DNAH9: variants seen among roughly 807,000 people sequenced by gnomAD.
DNAH9 encodes the protein DNAH9 variant protein.
DNAH9 carries 345 observed loss-of-function variants against 471.6 expected under a neutral mutation model. The ratio of observed to expected loss-of-function variants is 0.73; its 90% CI spans 0.67 to 0.80. The LOEUF (loss-of-function observed/expected upper bound fraction) is 0.80, where lower values mean the gene tolerates loss of function less well. DNAH9 is among the 30% of genes least tolerant of loss of function. The pLI is 0.00. For missense variants in DNAH9, 5,407 were observed against 5,609.2 expected, an observed-to-expected ratio of 0.96 and a Z score of 1.15; for synonymous variants, 2,093 against 2,123.6, an observed-to-expected ratio of 0.99 and a Z score of 0.40.
At chr17:11,680,613 T>C in intron 18 of DNAH9, 110 bp from the exon 19 acceptor site, 1 of 884,030 alleles carries the variant, frequency 1.1e-6, no homozygotes, top group East Asian at 2.5e-5. Flanking sequence ...CACCACACCA[T>C]TGTACCATCT....
In DNAH9 at chr17:11,773,277, CAGTT is replaced by C. The variant is rs1178245692; in HGVS notation, c.7552+3951_7552+3954del. Reference sequence around the variant, plus strand: ...AGGTGGCATAGTCTGCTTGAAAGGACAGTTAGAACACCCAGACAGATGTGCAAAT... The same window carrying C: ...AGGTGGCATAGTCTGCTTGAAAGGACAGAACACCCAGACAGATGTGCAAAT... On this transcript the variant is annotated intron_variant, in intron 38 of 68. Transcript: ENST00000262442. 4.6e-5 allele frequency among the ~76,000 whole-genome samples: 7 copies of C among 152,138 alleles called. No homozygotes were observed. The East Asian group carries it at 7.7e-4, about 17-fold the overall frequency.
At chr17:11,843,618 C>A (rs1376295855) in intron 49 of DNAH9, among the ~76,000 whole-genome samples, 1 of 151,040 alleles carries the variant, frequency 6.6e-6, no homozygotes, top group Non-Finnish European at 1.5e-5. Flanking sequence ...TATCATTTAA[C>A]CAATTATTAA....
At chr17:11,647,244 C>G (rs2073412628) in intron 12 of DNAH9, 46 bp downstream of exon 12, 2 of 1,570,300 alleles carry the variant, frequency 1.3e-6, no homozygotes. Flanking sequence ...TGAAGAGTTT[C>G]TTTGAACTCT....
intron 57 of DNAH9, among the ~76,000 whole-genome samples, chr17:11,888,554 A>G (rs2151001952): frequency 6.6e-6 from 1 of 152,302 alleles, no homozygotes; most frequent in South Asian, 2.1e-4. Context: ...TTTGGCAGCA[A>G]CAGTGTCCTG....
chr17:11,858,806 C>A (rs189690729), intron 50 of DNAH9, among the ~76,000 whole-genome samples: 2 of 152,010 alleles, frequency 1.3e-5, no homozygotes, highest in African/African-American at 4.8e-5. Context: ...CTTTAATGGC[C>A]GGCACAGTGC....
intron 60 of DNAH9, among the ~76,000 whole-genome samples, chr17:11,903,823 A>G (rs1973494330): frequency 6.6e-6 from 1 of 152,152 alleles, no homozygotes; most frequent in Non-Finnish European, 1.5e-5. Flanking sequence ...AGACAGGAGA[A>G]TGGCTTGAAC....
chr17:11,924,813 A>G (rs1189080735), intron 62 of DNAH9, among the ~76,000 whole-genome samples: 1 of 151,888 alleles, frequency 6.6e-6, no homozygotes, highest in Non-Finnish European at 1.5e-5. Context: ...TAGTAGAGAC[A>G]GGGTTTCACC....
chr17:11,732,341 T>G (rs2075282692), intron 28 of DNAH9, among the ~76,000 whole-genome samples: 1 of 152,098 alleles, frequency 6.6e-6, no homozygotes, highest in Non-Finnish European at 1.5e-5. Flanking sequence ...CCAGGCAAAA[T>G]CTGAGCGGGT....
chr17:11,780,991 G>T lies in DNAH9; in HGVS notation c.7553-18G>T. 1 of 1,611,014 alleles carries T rather than the reference G, an allele frequency of 6.2e-7. No individual in the cohort carries two copies. The highest frequency in any genetic ancestry group is 1.1e-5 in the South Asian group (1 of 90,602). On this transcript the variant is annotated intron_variant, in intron 38 of 68. Coordinates refer to ENST00000262442, the MANE Select transcript of DNAH9 (RefSeq NM_001372.4). The stretch of plus-strand genomic sequence containing the variant: ...GAGATTTGAGCCGCCTTCCCTCACC[G>T]ACTGGCTCTCTCCCCAGCTGTCCTG...
intron 50 of DNAH9, among the ~76,000 whole-genome samples, chr17:11,866,430 G>T (rs918763443): frequency 3.9e-5 from 6 of 152,228 alleles, no homozygotes; most frequent in South Asian, 2.1e-4. Flanking sequence ...TGCCCCTACT[G>T]GGGGGTGCCT....
At chr17:11,750,498 T>C (rs1967102642) in intron 32 of DNAH9, among the ~76,000 whole-genome samples, 2 of 152,250 alleles carry the variant, frequency 1.3e-5, no homozygotes, top group South Asian at 2.1e-4. Context: ...GATTGGTTCA[T>C]GTAACATTTC....
Position 11,762,767 on chromosome 17 carries a change from TTTG to T in DNAH9, c.6996-670_6996-668del, listed in dbSNP as rs1409841328. Among the ~76,000 whole-genome samples, 12 of 77,634 alleles carry T rather than the reference TTTG, an allele frequency of 1.5e-4. 1 individual carries two copies. Among genetic ancestry groups the T allele is most frequent in the South Asian group, 4.5e-4 (1 of 2,242 alleles). 50.9% of individuals were successfully genotyped at this position (77,634 alleles called of 152,430 possible). A position where few individuals can be genotyped will look rare whatever the true frequency, so the allele number is the denominator to read the frequency against. On this transcript the variant is annotated intron_variant, in intron 35 of 68. Transcript: ENST00000262442. ...TTGCCTCTTTAGGTGCGTTTTTTTTTTTGTTTTTTTTTTTTTTTTTTTTTTTTT... is the reference window on the plus strand; with the variant it reads ...TTGCCTCTTTAGGTGCGTTTTTTTTTTTTTTTTTTTTTTTTTTTTTTTTTT...
chr17:11,780,631 C>T (rs1290684012), intron 38 of DNAH9, among the ~76,000 whole-genome samples: 2 of 152,302 alleles, frequency 1.3e-5, no homozygotes, highest in East Asian at 3.9e-4. Context: ...GAGTTTTAAC[C>T]ACTGTGGTTT....
Position 11,747,762 on chromosome 17 carries a change from G to A in DNAH9, c.6606G>A (p.Lys2202=). The change falls in exon 32 of 69, where the codon AAG becomes AAA. Residue 2202 remains lysine, a synonymous_variant. Transcript: ENST00000262442. ...TCAATCCAGCCACAGGAGAATGGAA[G>A]GATGGTAAGAGTGGGATTCTCCCAG... ...GIINPATGEW[K]DGLFSSIMRE... 6.2e-7 allele frequency: 1 copy of A among 1,613,018 alleles called. No homozygotes were observed. Among genetic ancestry groups the A allele is most frequent in the Non-Finnish European group, 8.5e-7 (1 of 1,179,062 alleles).
intron 55 of DNAH9, among the ~76,000 whole-genome samples, chr17:11,882,646 C>G (rs1972766306): frequency 6.6e-6 from 1 of 152,160 alleles, no homozygotes; most frequent in East Asian, 1.9e-4. Flanking sequence ...AATCTACACT[C>G]TAGTGGAGGA....
chr17:11,798,501 A>ATACATATT lies in DNAH9; in HGVS notation c.8420+710_8420+717dup, dbSNP rs536968196. On this transcript the variant is annotated intron_variant, in intron 43 of 68. Coordinates refer to ENST00000262442, the MANE Select transcript of DNAH9 (RefSeq NM_001372.4). The stretch of plus-strand genomic sequence containing the variant: ...AGATAGAGGGTTTGTATTCAAGTGC[A>ATACATATT]TACATATTTCAAAAATTAAATATCC... 5.3e-5 allele frequency among the ~76,000 whole-genome samples: 8 copies of ATACATATT among 151,440 alleles called. No individual in the cohort carries two copies. In the South Asian group the frequency reaches 1.7e-3, roughly 32 times the overall value.
chr17:11,743,097 G>C (rs894620903), intron 30 of DNAH9, among the ~76,000 whole-genome samples: 1 of 152,002 alleles, frequency 6.6e-6, no homozygotes, highest in Admixed American at 6.6e-5. Flanking sequence ...TGTTTAAAAA[G>C]CTCCTCCAGC....
intron 35 of DNAH9, among the ~76,000 whole-genome samples, chr17:11,759,937 C>T (rs763097512): frequency 3.3e-5 from 5 of 152,118 alleles, no homozygotes; most frequent in Admixed American, 6.5e-5. Context: ...GTGGCCGCCT[C>T]GGCCTCCCAA....
At chr17:11,658,318 C>G (rs2073691859) in intron 14 of DNAH9, among the ~76,000 whole-genome samples, 1 of 152,102 alleles carries the variant, frequency 6.6e-6, no homozygotes, top group Admixed American at 6.6e-5. Flanking sequence ...TTTCCAATTA[C>G]TATCAGGTAG....
Sources: allele counts gnomAD v4.1 joint callset (sites outside exome capture counted in the v4.1 genomes callset), GRCh38; gene constraint gnomAD v4.1.1; transcripts MANE v1.5; gene names NCBI Gene and HGNC (gene_info 2026-07-23, HGNC 2026-07-21).